FAM107B: variants seen among roughly 807,000 people sequenced by gnomAD.
FAM107B encodes protein FAM107B.
A neutral mutation model predicts 31.5 loss-of-function variants in FAM107B; 21 were observed. The ratio of observed to expected loss-of-function variants is 0.67; its 90% confidence interval spans 0.47 to 0.96. FAM107B has a LOEUF of 0.96. Ranked by LOEUF, FAM107B falls within the 40% of genes least tolerant of loss-of-function variation. The pLI, the probability that FAM107B is intolerant of heterozygous loss-of-function variation, is 0.00. For missense variants in FAM107B, 452 were observed against 377.1 expected, an observed-to-expected ratio of 1.20 and a Z score of -1.64; for synonymous variants, 157 against 141.5, an observed-to-expected ratio of 1.11 and a Z score of -0.78.
chr10:14,732,780 T>C (rs954369010), intron 1 of FAM107B, among the ~76,000 whole-genome samples: 1 of 148,002 alleles, frequency 6.8e-6, no homozygotes, highest in African/African-American at 2.5e-5. Flanking sequence ...TAATATATTC[T>C]ATAGAATACA....
At chr10:14,773,499 C>T (rs960560166) in intron 1 of FAM107B, among the ~76,000 whole-genome samples, 2 of 152,130 alleles carry the variant, frequency 1.3e-5, no homozygotes, top group African/African-American at 2.4e-5. Flanking sequence ...TTTTAGAAAA[C>T]CTTTCCTCTA....
chr10:14,724,166 G>A (rs1054715391), intron 1 of FAM107B: 24 of 464,614 alleles, frequency 5.2e-5, no homozygotes, highest in South Asian at 1.7e-4. Flanking sequence ...TGTCTTCTAC[G>A]TGTCTTATAT....
chr10:14,754,524 T>G (rs942503992), intron 1 of FAM107B, among the ~76,000 whole-genome samples: 1 of 152,184 alleles, frequency 6.6e-6, no homozygotes, highest in African/African-American at 2.4e-5. Flanking sequence ...CTCTTCCAGC[T>G]GAACGAGGAT....
intron 2 of FAM107B, among the ~76,000 whole-genome samples, chr10:14,563,171 G>A (rs1850385170): frequency 6.6e-6 from 1 of 152,100 alleles, no homozygotes; most frequent in South Asian, 2.1e-4. Flanking sequence ...GAAATACTGG[G>A]GTTTTACACG....
At chr10:14,525,091 G>A (rs1846077985) in intron 3 of FAM107B, among the ~76,000 whole-genome samples, 1 of 152,184 alleles carries the variant, frequency 6.6e-6, no homozygotes. Flanking sequence ...TTAACTTTCT[G>A]TGCTGAATGC....
Position 14,521,186 on chromosome 10 carries a change from C to T in FAM107B, c.*4G>A, listed in dbSNP as rs1845593337. ...GACACACGAGGTCTTGGTGCAGCCT[C>T]AGCCTAGGACTCCTGGGCTTGGGCG... is the stretch of plus-strand genomic sequence containing the variant. On this transcript the variant is annotated 3_prime_UTR_variant, in exon 5 of 5. Transcript: ENST00000181796. The T allele has an allele frequency of 1.2e-6, 2 of 1,609,568 alleles. No homozygotes were observed. Among genetic ancestry groups the T allele is most frequent in the African/African-American group, 1.3e-5 (1 of 74,838 alleles).
At chr10:14,710,441 C>CAG (rs1263043877) in intron 1 of FAM107B, among the ~76,000 whole-genome samples, 1 of 35,078 alleles carries the variant, frequency 2.9e-5, no homozygotes, top group Non-Finnish European at 7.1e-5. Flanking sequence ...TACACACACA[C>CAG]ACACACACAC....
intron 1 of FAM107B, among the ~76,000 whole-genome samples, chr10:14,687,049 T>A (rs1555986): frequency 2.6e-5 from 4 of 152,112 alleles, no homozygotes; most frequent in Non-Finnish European, 5.9e-5. Context: ...GCCTCAGAGA[T>A]GCTGAACGAT....
At chr10:14,633,900 T>A (rs1853430027) in intron 2 of FAM107B, among the ~76,000 whole-genome samples, 2 of 152,200 alleles carry the variant, frequency 1.3e-5, no homozygotes. Flanking sequence ...CATCACTTTG[T>A]GGAGCATAAA....
intron 1 of FAM107B, among the ~76,000 whole-genome samples, chr10:14,721,616 A>T (rs1007417330): frequency 3.9e-5 from 6 of 152,054 alleles, no homozygotes; most frequent in Non-Finnish European, 7.4e-5. Flanking sequence ...GCATTTTTTC[A>T]TGTGTCTATT....
At chr10:14,651,360 C>T (rs1185238920) in intron 2 of FAM107B, among the ~76,000 whole-genome samples, 1 of 152,210 alleles carries the variant, frequency 6.6e-6, no homozygotes, top group Non-Finnish European at 1.5e-5. Context: ...AATCCCAGCA[C>T]TTTGGGAGGC....
chr10:14,591,321 T>A lies in FAM107B; in HGVS notation c.470-60806A>T, dbSNP rs1483945701. ...GCACAGAATTTAATATTGCTGCAAC[T>A]CAAGACTTAAATAACAAAATTAACC... On this transcript the variant is annotated intron_variant, in intron 2 of 4. Transcript: ENST00000181796. Among the ~76,000 whole-genome samples the A allele has an allele frequency of 1.4e-4, 22 of 152,302 alleles. No individual in the cohort carries two copies. The East Asian group carries it at 4.1e-3, about 28-fold the overall frequency.
chr10:14,747,256 A>G (rs762004460), intron 1 of FAM107B, among the ~76,000 whole-genome samples: 3 of 152,170 alleles, frequency 2.0e-5, no homozygotes, highest in Non-Finnish European at 4.4e-5. Context: ...TTAGCTCAGC[A>G]AAGTTCATTA....
At chr10:14,563,393 A>G (rs898698728) in intron 2 of FAM107B, among the ~76,000 whole-genome samples, 10 of 152,048 alleles carry the variant, frequency 6.6e-5, no homozygotes, top group African/African-American at 2.4e-4. Context: ...TACAATACAC[A>G]CCTCTTTTCA....
rs151141641 is a variant in FAM107B, at chr10:14,758,442, A to C, written c.411+15811T>G. Among the ~76,000 whole-genome samples the C allele has an allele frequency of 1.8e-3, 274 of 152,334 alleles. 2 individuals are homozygous for C. The highest frequency in any genetic ancestry group is 6.4e-3 in the African/African-American group (268 of 41,566). On this transcript the variant is annotated intron_variant, in intron 1 of 4. Transcript: ENST00000181796. ...ATTCTGGCTGCGTGTTAGAATTACTAGAGGGAGGTTTTTAAAAATACGGGT... is the reference window on the plus strand; with the variant it reads ...ATTCTGGCTGCGTGTTAGAATTACTCGAGGGAGGTTTTTAAAAATACGGGT...
chr10:14,595,806 G>C (rs1403658247), intron 2 of FAM107B, among the ~76,000 whole-genome samples: 2 of 152,128 alleles, frequency 1.3e-5, no homozygotes, highest in Non-Finnish European at 2.9e-5. Context: ...GAGGCCAAAA[G>C]AGCAGGTGTC....
At chr10:14,612,271 T>G (rs1852744563) in intron 2 of FAM107B, among the ~76,000 whole-genome samples, 2 of 152,240 alleles carry the variant, frequency 1.3e-5, no homozygotes, top group South Asian at 4.1e-4. Flanking sequence ...TCCACCAAAT[T>G]TAACATGAAC....
chr10:14,622,831 T>C (rs1185239674), intron 2 of FAM107B, among the ~76,000 whole-genome samples: 1 of 152,208 alleles, frequency 6.6e-6, no homozygotes, highest in African/African-American at 2.4e-5. Flanking sequence ...GCTCACAGTT[T>C]TCCTTTAAAC....
intron 1 of FAM107B, among the ~76,000 whole-genome samples, chr10:14,742,004 G>A (rs572205267): frequency 4.0e-5 from 6 of 151,170 alleles, no homozygotes; most frequent in South Asian, 2.1e-4. Flanking sequence ...ATGAGCCACC[G>A]CGTGCGGCCA....
Sources: allele counts gnomAD v4.1 joint callset (sites outside exome capture counted in the v4.1 genomes callset), GRCh38; gene constraint gnomAD v4.1.1; transcripts MANE v1.5; gene names NCBI Gene and HGNC (gene_info 2026-07-23, HGNC 2026-07-21).